Variants in GBP5 observed in about 807,000 individuals in gnomAD.
GBP5 encodes the protein guanylate binding protein 5, also known as guanylate-binding protein 5.
Under a neutral mutation model 58.2 loss-of-function variants are expected in GBP5, and 48 were observed. The observed-to-expected ratio is 0.83, with a 90% CI of 0.65 to 1.05. GBP5 has a LOEUF of 1.05. GBP5 is among the 50% of genes least tolerant of loss of function. The pLI, the probability that GBP5 is intolerant of heterozygous loss-of-function variation, is 0.00. For missense variants in GBP5, 714 were observed against 686.8 expected (o/e 1.04, Z -0.44); for synonymous variants, 248 against 251.8 (o/e 0.98, Z 0.14).
chr1:89,256,763 TTTC>T lies in GBP5; in HGVS notation c.*3938_*3940del, dbSNP rs1404970466. 1.3e-5 allele frequency among the ~76,000 whole-genome samples: 2 copies of T among 152,234 alleles called. No homozygotes were observed. Among genetic ancestry groups the T allele is most frequent in the Non-Finnish European group, 2.9e-5 (2 of 68,036 alleles). ...TTTATCAATTTGGGTGTGGTTCCTT[TTTC>T]TTATTTTAGTGTATTGTGTGTGAGG... On this transcript the variant is annotated 3_prime_UTR_variant, in exon 12 of 12. Transcript: ENST00000370459.
chr1:89,257,937 T>G lies in GBP5; in HGVS notation c.*2767A>C, dbSNP rs1387913240. 1.3e-5 allele frequency among the ~76,000 whole-genome samples: 2 copies of G among 152,228 alleles called. No homozygotes were observed. The highest frequency in any genetic ancestry group is 4.8e-5 in the African/African-American group (2 of 41,462). On this transcript the variant is annotated 3_prime_UTR_variant, in exon 12 of 12. Transcript: ENST00000370459. ...AGGCTCTAGGGGAGAATCTATTGCT[T>G]TGCTTTTCATTACATTTAAAACTAG...
Position 89,266,946 on chromosome 1 carries a change from G to A in GBP5, c.625+11C>T, listed in dbSNP as rs751525998. 10 of 1,548,542 alleles carry A rather than the reference G, an allele frequency of 6.5e-6. No individual in the cohort carries two copies. The highest frequency in any genetic ancestry group is 1.3e-5 in the South Asian group (1 of 78,752). Reference sequence around the variant, plus strand: ...TTTTAAAAATCTTTCTAAAACTGAAGTCCCTGTTACCTTGCTTTGGCCTTA... The same window carrying A: ...TTTTAAAAATCTTTCTAAAACTGAAATCCCTGTTACCTTGCTTTGGCCTTA... On this transcript the variant is annotated intron_variant, in intron 6 of 11. Coordinates refer to ENST00000370459, the MANE Select transcript of GBP5 (RefSeq NM_052942.5).
At chr1:89,263,447 A>C (rs1259244307) in intron 9 of GBP5, 1 of 308,902 alleles carries the variant, frequency 3.2e-6, no homozygotes, top group Non-Finnish European at 6.1e-6. Context: ...CAATGTAACC[A>C]AAAAGGCCTC....
intron 1 of GBP5, chr1:89,271,993 CTT>C (rs1650473900): frequency 6.6e-6 from 1 of 152,174 alleles, no homozygotes; most frequent in Non-Finnish European, 1.5e-5. Flanking sequence ...TTTCATGAAA[CTT>C]CTCTCTGGGC....
In GBP5 at chr1:89,256,200, T is replaced by C. The variant is rs2100709536; in HGVS notation, c.*4504A>G. 6.6e-6 allele frequency among the ~76,000 whole-genome samples: 1 copy of C among 152,290 alleles called. No individual in the cohort carries two copies. The highest frequency in any genetic ancestry group is 1.9e-4 in the East Asian group (1 of 5,190). On this transcript the variant is annotated 3_prime_UTR_variant, in exon 12 of 12. Coordinates refer to ENST00000370459, the MANE Select transcript of GBP5 (RefSeq NM_052942.5). Reference sequence around the variant, plus strand: ...TACACACAATGAACTAGATGAATCTTATAAAGATTTTATTAACAAATGAAG... The same window carrying C: ...TACACACAATGAACTAGATGAATCTCATAAAGATTTTATTAACAAATGAAG...
rs12073749 is a variant in GBP5, at chr1:89,265,662, A to G, written c.868+684T>C. On this transcript the variant is annotated intron_variant, in intron 7 of 11. Transcript: ENST00000370459. ...AAAATGGTGAGAACCCAGGAGGCGG[A>G]GCTTGCAGTGAGCCAAGATCGTGCC... Among the ~76,000 whole-genome samples, 843 of 140,274 alleles carry G rather than the reference A, an allele frequency of 6.0e-3. 13 individuals are homozygous for G. Among genetic ancestry groups the G allele is most frequent in the African/African-American group, 0.022 (815 of 37,446 alleles). 92.0% of individuals were successfully genotyped at this position (140,274 alleles called of 152,430 possible).
chr1:89,265,037 G>C (rs1170024428), intron 7 of GBP5, 71 bp from the exon 8 acceptor site: 1 of 1,430,734 alleles, frequency 7.0e-7, no homozygotes, highest in Non-Finnish European at 9.7e-7. Context: ...TAATTTCTGA[G>C]AACGTACATT....
intron 6 of GBP5, 124 bp downstream of exon 6, chr1:89,266,833 T>A: frequency 1.5e-6 from 1 of 646,056 alleles, no homozygotes; most frequent in Non-Finnish European, 2.4e-6. Flanking sequence ...TATTATTTAT[T>A]TTTTAGGAGA....
chr1:89,267,864 C>T (rs2100596522), intron 4 of GBP5, among the ~76,000 whole-genome samples: 1 of 152,238 alleles, frequency 6.6e-6, no homozygotes, highest in African/African-American at 2.4e-5. Context: ...TAATGCAGTT[C>T]ACATTAATGA....
chr1:89,264,977 G>A lies in GBP5; in HGVS notation c.869-11C>T. 1 of 1,598,988 alleles carries A rather than the reference G, an allele frequency of 6.3e-7. No homozygotes were observed. ...CCAGGTTCTTTAGACCTTCATGGAA[G>A]AAAGAAACATTTATATTATTTGCAA... On this transcript the variant is annotated splice_polypyrimidine_tract_variant and intron_variant, in intron 7 of 11. Transcript: ENST00000370459.
At position 89,258,155 on chromosome 1, in the gene GBP5, T is replaced by C. The variant is rs1451888428; in HGVS notation, c.*2549A>G. The stretch of plus-strand genomic sequence containing the variant: ...ATCCAGGGAAGCTGGTGGGGAAGAA[T>C]ATCTGTGGATCACTAATGAAAGCAG... On this transcript the variant is annotated 3_prime_UTR_variant, in exon 12 of 12. Coordinates refer to ENST00000370459, the MANE Select transcript of GBP5 (RefSeq NM_052942.5). Among the ~76,000 whole-genome samples the C allele has an allele frequency of 4.6e-5, 7 of 152,198 alleles. No individual in the cohort carries two copies. The highest frequency in any genetic ancestry group is 1.7e-4 in the African/African-American group (7 of 41,446).
chr1:89,264,092 T>A, intron 8 of GBP5, 144 bp from the exon 9 acceptor site: 1 of 596,510 alleles, frequency 1.7e-6, no homozygotes, highest in Admixed American at 3.0e-5. Flanking sequence ...CCACCAAACC[T>A]GGAAAAATTC....
At position 89,269,502 on chromosome 1, in the gene GBP5, A is replaced by T; in HGVS notation, c.54T>A (p.Asn18Lys). 1 of 1,614,066 alleles carries T rather than the reference A, an allele frequency of 6.2e-7. No individual in the cohort carries two copies. The highest frequency in any genetic ancestry group is 8.5e-7 in the Non-Finnish European group (1 of 1,179,932). ...CTTCCTGATTAACCTTCAGCTGCTC[A>T]TTAAAGTTCTCGATGAGGCACATGG... The part of the protein sequence containing the change: ...SDPMCLIENF[N>K]EQLKVNQEAL... Residue 18 changes from asparagine to lysine, a missense_variant, in exon 3 of 12, where the codon AAT becomes AAA. Coordinates refer to ENST00000370459, the MANE Select transcript of GBP5 (RefSeq NM_052942.5).
chr1:89,267,551 C>A, intron 4 of GBP5, 25 bp from the exon 5 acceptor site: 1 of 1,436,694 alleles, frequency 7.0e-7, no homozygotes, highest in South Asian at 1.1e-5. Flanking sequence ...AAATTTAAGT[C>A]ATGTCTCATG....
At chr1:89,267,969 G>C (rs983158268) in intron 4 of GBP5, among the ~76,000 whole-genome samples, 1 of 152,078 alleles carries the variant, frequency 6.6e-6, no homozygotes, top group Non-Finnish European at 1.5e-5. Flanking sequence ...ATTGTGGCTT[G>C]TCATCTTTAA....
At chr1:89,269,620 T>A in intron 2 of GBP5, 46 bp from the exon 3 acceptor site, 1 of 1,359,140 alleles carries the variant, frequency 7.4e-7, no homozygotes, top group Non-Finnish European at 1.0e-6. Context: ...GGTGTTTGTT[T>A]AATAAGCAAA....
Position 89,268,720 on chromosome 1 carries a change from C to T in GBP5, c.318+9G>A, listed in dbSNP as rs1035205563. On this transcript the variant is annotated intron_variant, in intron 4 of 11. Coordinates refer to ENST00000370459, the MANE Select transcript of GBP5 (RefSeq NM_052942.5). ...GATTAGGAGGTTAAAAAAAGGAATCCTTCCTTACCTTCTCTACATCTCCCA... is the reference window on the plus strand; with the variant it reads ...GATTAGGAGGTTAAAAAAAGGAATCTTTCCTTACCTTCTCTACATCTCCCA... 1 of 1,613,410 alleles carries T rather than the reference C, an allele frequency of 6.2e-7. No individual in the cohort carries two copies. Among genetic ancestry groups the T allele is most frequent in the Non-Finnish European group, 8.5e-7 (1 of 1,179,646 alleles).
rs150292659 is a variant in GBP5 at position 89,263,695 on chromosome 1, G to T, written c.1362+41C>A. 593 of 1,411,700 alleles carry T rather than the reference G, an allele frequency of 4.2e-4. 2 individuals are homozygous for T. The African/African-American group carries it at 7.5e-3, about 18-fold the overall frequency. The allele number at this position is 1,411,700 out of a possible 1,614,324, so 87.4% of individuals were successfully genotyped here. A position where few individuals can be genotyped will look rare whatever the true frequency, so the allele number is the denominator to read the frequency against. On this transcript the variant is annotated intron_variant, in intron 9 of 11. Coordinates refer to ENST00000370459, the MANE Select transcript of GBP5 (RefSeq NM_052942.5). ...CTGTTCTCACTGGTTTTACAAAGAG[G>T]TCCCTCAGCAATTCTCCACAATAGG...
In GBP5 at chr1:89,263,974, A is replaced by T. The variant is rs750067273; in HGVS notation, c.1150-26T>A. ...CTTCAAAGAGACAAAAACCCATGGAAAAGATGTTAGCAATACTTCAGTATT... is the reference window on the plus strand; with the variant it reads ...CTTCAAAGAGACAAAAACCCATGGATAAGATGTTAGCAATACTTCAGTATT... On this transcript the variant is annotated intron_variant, in intron 8 of 11. Coordinates refer to ENST00000370459, the MANE Select transcript of GBP5 (RefSeq NM_052942.5). The T allele has an allele frequency of 2.9e-5, 39 of 1,360,482 alleles. No individual in the cohort carries two copies. The South Asian group carries it at 3.7e-4, about 13-fold the overall frequency. 84.3% of individuals were successfully genotyped at this position (1,360,482 alleles called of 1,614,324 possible).
Sources: allele counts gnomAD v4.1 joint callset (sites outside exome capture counted in the v4.1 genomes callset), GRCh38; gene constraint gnomAD v4.1.1; transcripts MANE v1.5; gene names NCBI Gene and HGNC (gene_info 2026-07-23, HGNC 2026-07-21).